The following SRMS variants were observed in gnomAD, a reference collection of about 807,000 sequenced individuals.
SRMS encodes the protein src-related kinase lacking C-terminal regulatory tyrosine and N-terminal myristylation sites, also known as tyrosine-protein kinase Srms.
Under a neutral mutation model 43.5 loss-of-function variants are expected in SRMS, and 42 were observed. That is an observed-to-expected ratio of 0.97 (90% CI 0.75 to 1.25). The LOEUF (loss-of-function observed/expected upper bound fraction) is 1.25, where lower values mean the gene tolerates loss of function less well. Among genes scored for constraint, SRMS ranks in the 50% most tolerant of loss-of-function variants. SRMS has a pLI of 0.00. For missense variants in SRMS, 703 were observed against 681.0 expected (o/e 1.03, Z -0.36); for synonymous variants, 316 against 308.2 (o/e 1.03, Z -0.27).
chr20:63,547,210 C>T lies in SRMS; in HGVS notation c.254G>A (p.Gly85Asp). The T allele has an allele frequency of 6.2e-7, 1 of 1,612,214 alleles. No individual in the cohort carries two copies. Among genetic ancestry groups the T allele is most frequent in the Non-Finnish European group, 8.5e-7 (1 of 1,179,672 alleles). ...GDRLCALEEG[G>D]GYIFARRLSG... Reference sequence around the variant, plus strand: ...AAGCCTGCGTGCGAAGATGTAGCCGCCCCCCTCTTCGAGGGCACAGAGCCT... The same window carrying T: ...AAGCCTGCGTGCGAAGATGTAGCCGTCCCCCTCTTCGAGGGCACAGAGCCT... Residue 85 changes from glycine (G) to aspartate (D), a missense_variant, in exon 1 of 8, where the codon GGC becomes GAC. Coordinates refer to ENST00000217188, the MANE Select transcript of SRMS (RefSeq NM_080823.4).
At position 63,539,992 on chromosome 20, in the gene SRMS, C is replaced by G. The variant is rs310651; in HGVS notation, c.*826G>C. 0.15 allele frequency among the ~76,000 whole-genome samples: 23,252 copies of G among 152,218 alleles called. 3,611 individuals carry two copies. Among genetic ancestry groups the G allele is most frequent in the African/African-American group, 0.39 (16,307 of 41,482 alleles). Reference sequence around the variant, plus strand: ...GCCCTTGGGGCTCACGCTCTCTGGGCACCATGATGTCCTGGGCTGGGGGTC... The same window carrying G: ...GCCCTTGGGGCTCACGCTCTCTGGGGACCATGATGTCCTGGGCTGGGGGTC... On this transcript the variant is annotated 3_prime_UTR_variant, in exon 8 of 8. Coordinates refer to ENST00000217188, the MANE Select transcript of SRMS (RefSeq NM_080823.4).
rs1237988021 is a variant in SRMS, at chr20:63,538,629, G to T, written c.*2189C>A. On this transcript the variant is annotated 3_prime_UTR_variant, in exon 8 of 8. Coordinates refer to ENST00000217188, the MANE Select transcript of SRMS (RefSeq NM_080823.4). ...AGCCCAGCTCAGCGCTGACCAAGGT[G>T]GGGAGGGGCAGCGGGGTGCCGGCCT... Among the ~76,000 whole-genome samples, 4 of 152,014 alleles carry T rather than the reference G, an allele frequency of 2.6e-5. No individual in the cohort carries two copies. Among genetic ancestry groups the T allele is most frequent in the Non-Finnish European group, 5.9e-5 (4 of 67,980 alleles).
Position 63,540,949 on chromosome 20 carries a change from G to A in SRMS, c.1336C>T (p.Pro446Ser), listed in dbSNP as rs758371797. 7.5e-6 allele frequency: 12 copies of A among 1,606,760 alleles called. No individual in the cohort carries two copies. Among genetic ancestry groups the A allele is most frequent in the African/African-American group, 1.3e-5 (1 of 74,878 alleles). Residue 446 changes from proline (P) to serine (S), a missense_variant, in exon 8 of 8, where the codon CCG becomes TCG. Physicochemically the swap from Pro to Ser is moderately conservative, Grantham distance 74. Coordinates refer to ENST00000217188, the MANE Select transcript of SRMS (RefSeq NM_080823.4). Reference protein sequence around the residue: ...LQQIMRGYRLPRPAACPAEVY... With the variant: ...LQQIMRGYRLSRPAACPAEVY... ...TCCGCCGGGCAGGCAGCCGGGCGCG[G>A]CAGCCGGTACCCTCGCATGATCTGC...
At chr20:63,542,349 C>T (rs1278295861) in intron 4 of SRMS, 28 bp from the exon 5 acceptor site, 30 of 1,598,940 alleles carry the variant, frequency 1.9e-5, no homozygotes, top group Admixed American at 5.0e-5. Flanking sequence ...GCTCCAGGAC[C>T]GGCCCACGCC....
chr20:63,545,122 C>T (rs1027869852), intron 1 of SRMS, among the ~76,000 whole-genome samples: 3 of 152,156 alleles, frequency 2.0e-5, no homozygotes, highest in Non-Finnish European at 4.4e-5. Flanking sequence ...ACACGAGGAG[C>T]CCACACCGGG....
chr20:63,540,869 G>T lies in SRMS; in HGVS notation c.1416C>A (p.Ser472=). 15 of 1,605,910 alleles carry T rather than the reference G, an allele frequency of 9.3e-6. No individual in the cohort carries two copies. Among genetic ancestry groups the T allele is most frequent in the African/African-American group, 1.3e-5 (1 of 75,046 alleles). ...GCAGCTTCTCCCGCAGCGTGGCGAA[G>T]GAGGGCCGTTCCTCGGGGCTGCTCC... ...CWRSSPEERP[S]FATLREKLHA... is the part of the protein sequence containing the mutation. Residue 472 remains serine, a synonymous_variant, in exon 8 of 8, where the codon TCC becomes TCA. Transcript: ENST00000217188.
rs145725859 is a variant in SRMS at position 63,542,218 on chromosome 20, A to G, written c.891T>C (p.Pro297=). The G allele has an allele frequency of 2.4e-5, 39 of 1,612,376 alleles. No homozygotes were observed. Among genetic ancestry groups the G allele is most frequent in the Non-Finnish European group, 3.1e-5 (37 of 1,179,620 alleles). Residue 297 remains proline (P), a synonymous_variant, in exon 5 of 8, where the codon CCT becomes CCC. Transcript: ENST00000217188. The part of the protein sequence containing the change: ...RLHAVCSGGE[P]VYIVTELMRK... ...GCATGAGTTCCGTGACGATGTACACAGGCTCCCCGCCCGAGCACACTGCGT... is the reference window on the plus strand; with the variant it reads ...GCATGAGTTCCGTGACGATGTACACGGGCTCCCCGCCCGAGCACACTGCGT...
intron 3 of SRMS, among the ~76,000 whole-genome samples, chr20:63,542,915 T>C (rs2082712487): frequency 6.6e-6 from 1 of 152,092 alleles, no homozygotes; most frequent in African/African-American, 2.4e-5. Context: ...TCGGGGACAG[T>C]CCCCGGGATC....
At chr20:63,544,382 GC>G in intron 1 of SRMS, 34 bp from the exon 2 acceptor site, 1 of 1,439,942 alleles carries the variant, frequency 6.9e-7, no homozygotes, top group Non-Finnish European at 9.1e-7. Flanking sequence ...CACCTTGCAG[GC>G]CCCTCAGCCA....
intron 1 of SRMS, among the ~76,000 whole-genome samples, chr20:63,545,350 G>T (rs557979776): frequency 1.6e-4 from 25 of 152,342 alleles, no homozygotes; most frequent in Non-Finnish European, 2.8e-4. Context: ...GGAGCTTCCT[G>T]GGACCCGGAG....
At chr20:63,546,585 GC>G (rs1231597617) in intron 1 of SRMS, among the ~76,000 whole-genome samples, 1 of 130,106 alleles carries the variant, frequency 7.7e-6, no homozygotes, top group Non-Finnish European at 1.5e-5. Flanking sequence ...GCCCGTCTCA[GC>G]CCCCAGCCCC....
intron 1 of SRMS, among the ~76,000 whole-genome samples, chr20:63,544,713 G>A (rs189314037): frequency 1.4e-3 from 218 of 152,364 alleles, no homozygotes; most frequent in African/African-American, 5.0e-3. Flanking sequence ...CACAGACATG[G>A]AGCTGACGGC....
At position 63,547,435 on chromosome 20, in the gene SRMS, G is replaced by A. The variant is rs967252621; in HGVS notation, c.29C>T (p.Ala10Val). The A allele has an allele frequency of 2.2e-5, 34 of 1,533,772 alleles. No individual in the cohort carries two copies. The highest frequency in any genetic ancestry group is 2.9e-5 in the Non-Finnish European group (33 of 1,138,064). Residue 10 changes from alanine to valine, a missense_variant, in exon 1 of 8, where the codon GCC becomes GTC. By Grantham distance (64) the Ala-to-Val change is moderately conservative. Transcript: ENST00000217188. MEPFLRRRLAFLSFFWDKIW... is the reference protein window; with the variant it reads MEPFLRRRLVFLSFFWDKIW... ...CTTGTCCCAGAAGAAGGACAGGAAG[G>A]CCAGCCGCCTCCTGAGGAACGGCTC...
chr20:63,540,206 G>A lies in SRMS; in HGVS notation c.*612C>T, dbSNP rs796653626. The stretch of plus-strand genomic sequence containing the variant: ...GGGTTTGTGCACAGGCCGCCAGTGT[G>A]TCTGTGAGGGGCAGGTGACGGTGCC... On this transcript the variant is annotated 3_prime_UTR_variant, in exon 8 of 8. Transcript: ENST00000217188. 5.7e-4 allele frequency among the ~76,000 whole-genome samples: 87 copies of A among 152,328 alleles called. 1 individual carries two copies. Among genetic ancestry groups the A allele is most frequent in the African/African-American group, 2.0e-3 (85 of 41,570 alleles).
intron 2 of SRMS, chr20:63,543,826 G>T: frequency 2.7e-6 from 1 of 376,752 alleles, no homozygotes; most frequent in South Asian, 6.1e-5. Flanking sequence ...GCAAATGAGT[G>T]AAAGAATAAG....
intron 1 of SRMS, among the ~76,000 whole-genome samples, chr20:63,546,696 G>A (rs905560722): frequency 1.3e-5 from 2 of 150,656 alleles, no homozygotes; most frequent in Admixed American, 6.6e-5. Flanking sequence ...AGCTCCTGGA[G>A]CTCCTGTCAT....
chr20:63,546,024 G>A (rs1429173608), intron 1 of SRMS, among the ~76,000 whole-genome samples: 1 of 152,050 alleles, frequency 6.6e-6, no homozygotes. Flanking sequence ...TGGAGCTAAT[G>A]ACACCTGAGT....
chr20:63,545,645 C>G (rs985986963), intron 1 of SRMS, among the ~76,000 whole-genome samples: 55 of 152,148 alleles, frequency 3.6e-4, no homozygotes, highest in African/African-American at 1.3e-3. Flanking sequence ...TGACCAGGGC[C>G]GTGGGGCTGG....
intron 2 of SRMS, 105 bp downstream of exon 2, chr20:63,544,122 G>A: frequency 1.1e-5 from 14 of 1,291,532 alleles, no homozygotes; most frequent in South Asian, 2.1e-5. Flanking sequence ...CCTCAGTGGC[G>A]CCGGGTGTGA....
Sources: gnomAD v4.1 joint callset for allele counts (sites outside exome capture counted in the v4.1 genomes callset) on GRCh38, gnomAD v4.1.1 for gene constraint, MANE v1.5 for transcripts, NCBI Gene and HGNC (gene_info 2026-07-23, HGNC 2026-07-21) for gene names.